The following POFUT4 variants were observed in gnomAD, a reference collection of about 807,000 sequenced individuals.
The protein encoded by POFUT4 is protein O-fucosyltransferase 4.
the POFUT4 span, chr10:73,772,468 G>A: frequency 2.6e-6 from 4 of 1,553,588 alleles, no homozygotes; most frequent in Non-Finnish European, 2.6e-6. Flanking sequence ...GGGATGGCGC[G>A]GTTTTCCGGC....
At chr10:73,772,569 TGTG>T in the POFUT4 span, 1 of 1,588,582 alleles carries the variant, frequency 6.3e-7, no homozygotes, top group Non-Finnish European at 8.6e-7. Context: ...CCGGTACTGC[TGTG>T]GTGGAGCCCA....
the POFUT4 span, chr10:73,779,615 G>A: frequency 6.6e-6 from 1 of 151,164 alleles, no homozygotes; most frequent in Non-Finnish European, 1.5e-5. Flanking sequence ...ACTGACAAAA[G>A]AGGTCAAATG....
the POFUT4 span, chr10:73,779,504 G>A: frequency 6.6e-6 from 1 of 151,784 alleles, no homozygotes; most frequent in Non-Finnish European, 1.5e-5. Flanking sequence ...CGGAGGTGGT[G>A]GTGAACCAAG....
At chr10:73,772,313 G>T in the POFUT4 span, 2 of 1,419,040 alleles carry the variant, frequency 1.4e-6, no homozygotes, top group African/African-American at 1.5e-5. Context: ...GGCCGAGGGG[G>T]CGCCGGCTGC....
chr10:73,773,450 G>A, the POFUT4 span: 1 of 1,614,246 alleles, frequency 6.2e-7, no homozygotes, highest in Non-Finnish European at 8.5e-7. Flanking sequence ...CCGTCATCCT[G>A]ATTGATGATT....
chr10:73,774,479 A>T, the POFUT4 span: 1 of 152,012 alleles, frequency 6.6e-6, no homozygotes, highest in South Asian at 2.1e-4. Context: ...CAGAGACAAT[A>T]TAATATATAA....
chr10:73,779,258 T>TA, the POFUT4 span: 22,060 of 136,918 alleles, frequency 0.16, 1,583 homozygotes, highest in South Asian at 0.22. Context: ...GACCTCTGTC[T>TA]AAAAAAAAAA....
the POFUT4 span, chr10:73,779,177 T>A: frequency 6.6e-6 from 1 of 152,086 alleles, no homozygotes; most frequent in African/African-American, 2.4e-5. Context: ...GGAAGATCGC[T>A]TGAGCCCAAG....
chr10:73,773,832 C>G, the POFUT4 span: 16 of 1,533,302 alleles, frequency 1.0e-5, no homozygotes, highest in East Asian at 2.3e-5. Context: ...GTGCTGGGGT[C>G]CCCTGCAGCT....
chr10:73,772,750 C>A, the POFUT4 span: 1 of 1,603,708 alleles, frequency 6.2e-7, no homozygotes, highest in Non-Finnish European at 8.5e-7. Flanking sequence ...GCCTGGCGCA[C>A]CAGAGCTGGG....
the POFUT4 span, chr10:73,773,505 A>G: frequency 1.2e-6 from 2 of 1,614,222 alleles, no homozygotes; most frequent in Middle Eastern, 1.6e-4. Context: ...CTTTCTGGAC[A>G]AGAATGATGA....
the POFUT4 span, chr10:73,775,438 G>C: frequency 3.7e-6 from 6 of 1,612,806 alleles, no homozygotes; most frequent in Non-Finnish European, 5.1e-6. Flanking sequence ...CCAAGTTAGA[G>C]ACCACTGTAT....
the POFUT4 span, chr10:73,772,932 G>A: frequency 2.5e-6 from 4 of 1,608,258 alleles, no homozygotes; most frequent in Non-Finnish European, 8.5e-7. Context: ...CCCATGGAAC[G>A]CGCGGAGTGG....
the POFUT4 span, chr10:73,772,664 G>T: frequency 3.2e-6 from 5 of 1,557,322 alleles, no homozygotes; most frequent in African/African-American, 2.7e-5. Flanking sequence ...GAACCGCCGA[G>T]CGCTGAGGGA....
At chr10:73,777,863 C>CTTTT in the POFUT4 span, among the ~76,000 whole-genome samples, 1 of 136,782 alleles carries the variant, frequency 7.3e-6, no homozygotes, top group Non-Finnish European at 1.6e-5. Flanking sequence ...GTGCCCCCAC[C>CTTTT]TTTTTTTTTT....
the POFUT4 span, chr10:73,775,592 A>G: frequency 5.0e-6 from 8 of 1,614,236 alleles, no homozygotes; most frequent in Non-Finnish European, 6.8e-6. Context: ...ACCAGGGGGA[A>G]GCTCTCACTG....
the POFUT4 span, chr10:73,772,463 G>A: frequency 1.9e-6 from 3 of 1,555,654 alleles, no homozygotes; most frequent in East Asian, 2.4e-5. Flanking sequence ...ACCGTGGGAT[G>A]GCGCGGTTTT....
chr10:73,775,205 C>T, the POFUT4 span: 22 of 585,778 alleles, frequency 3.8e-5, no homozygotes, highest in South Asian at 2.7e-4. Flanking sequence ...CATCTAAAGA[C>T]CCCTGCCCCC....
At chr10:73,777,617 C>T in the POFUT4 span, among the ~76,000 whole-genome samples, 9 of 150,334 alleles carry the variant, frequency 6.0e-5, no homozygotes, top group East Asian at 9.8e-4. Context: ...TGCAGTGGCG[C>T]GATCTCAGCT....
Sources: allele counts gnomAD v4.1 joint callset (sites outside exome capture counted in the v4.1 genomes callset), GRCh38; gene constraint gnomAD v4.1.1; transcripts MANE v1.5; gene names NCBI Gene and HGNC (gene_info 2026-07-23, HGNC 2026-07-21).